LINGO1: variants seen among roughly 807,000 people sequenced by gnomAD.
The protein encoded by LINGO1 is leucine-rich repeat and immunoglobulin-like domain-containing nogo receptor-interacting protein 1.
Under a neutral mutation model 37.3 loss-of-function variants are expected in LINGO1, and 11 were observed. That is an observed-to-expected ratio of 0.29 (90% CI 0.19 to 0.49). The LOEUF (loss-of-function observed/expected upper bound fraction) is 0.49. LINGO1 is among the 20% of genes least tolerant of loss of function. The pLI, the probability that LINGO1 is intolerant of heterozygous loss-of-function variation, is 0.99. For missense variants in LINGO1, 585 were observed against 878.2 expected (o/e 0.67, Z 4.22); for synonymous variants, 387 against 403.0 (o/e 0.96, Z 0.48).
intron 1 of LINGO1, among the ~76,000 whole-genome samples, chr15:77,631,954 A>G (rs1294815764): frequency 6.6e-6 from 1 of 151,948 alleles, no homozygotes; most frequent in Non-Finnish European, 1.5e-5. Flanking sequence ...GGAGGTACCC[A>G]CCCAGGGCTG....
chr15:77,768,753 T>C (rs566220531), intron 1 of LINGO1, among the ~76,000 whole-genome samples: 2 of 152,250 alleles, frequency 1.3e-5, no homozygotes, highest in African/African-American at 2.4e-5. Flanking sequence ...CCTGGGCCTG[T>C]CAGAGGACGG....
At chr15:77,713,034 TTTTG>T (rs1008596868) in intron 2 of LINGO1, among the ~76,000 whole-genome samples, 11 of 152,072 alleles carry the variant, frequency 7.2e-5, no homozygotes, top group African/African-American at 1.2e-4. Context: ...GGTTTTGGTT[TTTTG>T]TTTGTTTGTT....
intron 3 of LINGO1, among the ~76,000 whole-genome samples, chr15:77,672,627 C>T (rs2075269857): frequency 1.3e-5 from 2 of 152,196 alleles, no homozygotes; most frequent in Non-Finnish European, 2.9e-5. Context: ...TCAGTGTCAG[C>T]CCCACACCTG....
chr15:77,617,651 C>T (rs989559706), intron 1 of LINGO1, among the ~76,000 whole-genome samples: 1 of 152,256 alleles, frequency 6.6e-6, no homozygotes, highest in Non-Finnish European at 1.5e-5. Flanking sequence ...CCTTGTCATC[C>T]ATGCATCAGC....
chr15:77,766,117 A>G (rs531930255), intron 1 of LINGO1, among the ~76,000 whole-genome samples: 2 of 152,202 alleles, frequency 1.3e-5, no homozygotes, highest in African/African-American at 4.8e-5. Context: ...AACAGAAACA[A>G]AAGTGCAATG....
At chr15:77,807,611 C>T (rs2076970846) in intron 1 of LINGO1, among the ~76,000 whole-genome samples, 1 of 152,158 alleles carries the variant, frequency 6.6e-6, no homozygotes, top group Admixed American at 6.5e-5. Flanking sequence ...CTCCATTTCT[C>T]TCCCAGGACC....
At chr15:77,696,830 G>C (rs2075702198), upstream of LINGO1, among the ~76,000 whole-genome samples, 1 of 152,260 alleles carries the variant, frequency 6.6e-6, no homozygotes, top group Non-Finnish European at 1.5e-5. Context: ...CTGGGTACCG[G>C]GGCCTGCCCC....
intron 2 of LINGO1, chr15:77,720,767 G>A (rs1262823431): frequency 3.3e-5 from 5 of 151,690 alleles, no homozygotes; most frequent in Admixed American, 6.6e-5. Flanking sequence ...CCAGGCAGAC[G>A]TGACAACGTC....
chr15:77,693,647 G>A (rs543508450), intron 1 of LINGO1, among the ~76,000 whole-genome samples: 11 of 152,280 alleles, frequency 7.2e-5, no homozygotes, highest in African/African-American at 2.6e-4. Context: ...GAACTCAAGG[G>A]GATCAGGCCT....
intron 2 of LINGO1, among the ~76,000 whole-genome samples, chr15:77,717,363 TG>T (rs1225787023): frequency 6.7e-6 from 1 of 150,004 alleles, no homozygotes; most frequent in Non-Finnish European, 1.5e-5. Flanking sequence ...CGGGCAGAGG[TG>T]GGGGTGGCAG....
At chr15:77,705,252 C>A (rs553702066) in intron 2 of LINGO1, among the ~76,000 whole-genome samples, 9 of 150,728 alleles carry the variant, frequency 6.0e-5, no homozygotes, top group South Asian at 4.2e-4. Context: ...GGTTCCCCGA[C>A]CAGTTTTATT....
At chr15:77,662,580 T>G (rs1029703864) in intron 3 of LINGO1, among the ~76,000 whole-genome samples, 2 of 152,112 alleles carry the variant, frequency 1.3e-5, no homozygotes, top group Non-Finnish European at 2.9e-5. Context: ...CTAGCTTCCT[T>G]GGCCCTGGGT....
chr15:77,730,061 G>A (rs2076139963), intron 2 of LINGO1, among the ~76,000 whole-genome samples: 1 of 152,002 alleles, frequency 6.6e-6, no homozygotes, highest in East Asian at 1.9e-4. Flanking sequence ...TGGAGGTCCG[G>A]GGTTGGGAGC....
chr15:77,737,226 G>C (rs535469604), intron 1 of LINGO1, among the ~76,000 whole-genome samples: 370 of 152,302 alleles, frequency 2.4e-3, no homozygotes, highest in Non-Finnish European at 3.8e-3. Flanking sequence ...ATTTCCCCAT[G>C]TGAGCCCTAA....
intron 2 of LINGO1, among the ~76,000 whole-genome samples, chr15:77,714,749 C>G (rs566774343): frequency 6.6e-6 from 1 of 152,220 alleles, no homozygotes; most frequent in East Asian, 1.9e-4. Flanking sequence ...CTTCCTCCCG[C>G]GATAAGCCTG....
Position 77,685,015 on chromosome 15 carries a change from G to A in LINGO1, c.-99+5705C>T, listed in dbSNP as rs114254401. ...ACCTGGGCCCAGCCTAGAAGGATGG[G>A]GGGTGTGGACAGATAGAGTTGGGGG... On this transcript the variant is annotated intron_variant, in intron 2 of 3. Transcript: ENST00000559893. Among the ~76,000 whole-genome samples, 827 of 151,644 alleles carry A rather than the reference G, an allele frequency of 5.5e-3. 9 individuals carry two copies. The highest frequency in any genetic ancestry group is 0.019 in the African/African-American group (790 of 41,240).
upstream of LINGO1, among the ~76,000 whole-genome samples, chr15:77,699,346 C>A (rs1197685735): frequency 1.2e-5 from 1 of 82,146 alleles, no homozygotes; most frequent in African/African-American, 4.6e-5. Flanking sequence ...ATCCCCCGCA[C>A]ACAGTAAGTG....
At chr15:77,797,560 A>C (rs1004086341) in intron 1 of LINGO1, among the ~76,000 whole-genome samples, 20 of 152,234 alleles carry the variant, frequency 1.3e-4, no homozygotes, top group Non-Finnish European at 1.5e-5. Flanking sequence ...GGGTGGCTTC[A>C]ACCGTGATGG....
intron 1 of LINGO1, among the ~76,000 whole-genome samples, chr15:77,817,489 T>A (rs1378285512): frequency 1.3e-5 from 2 of 152,064 alleles, no homozygotes; most frequent in Non-Finnish European, 2.9e-5. Flanking sequence ...GGTAGTGAAC[T>A]CCCAGAGCTG....
Sources: gnomAD v4.1 joint callset for allele counts (sites outside exome capture counted in the v4.1 genomes callset) on GRCh38, gnomAD v4.1.1 for gene constraint, MANE v1.5 for transcripts, NCBI Gene and HGNC (gene_info 2026-07-23, HGNC 2026-07-21) for gene names.